The following HMGB1 variants were observed in gnomAD, a reference collection of about 807,000 sequenced individuals.
HMGB1 encodes high mobility group protein B1.
For missense variants in HMGB1, 79 were observed against 253.5 expected, an observed-to-expected ratio of 0.31 and a Z score of 4.67; for synonymous variants, 81 against 84.0, an observed-to-expected ratio of 0.96 and a Z score of 0.19.
intron 1 of HMGB1, among the ~76,000 whole-genome samples, chr13:30,525,013 A>G (rs924808347): frequency 1.3e-5 from 2 of 152,340 alleles, no homozygotes; most frequent in East Asian, 1.9e-4. Context: ...CGGCATAGTA[A>G]AATGGTTACA....
chr13:30,580,411 C>T (rs760831953), intron 1 of HMGB1, among the ~76,000 whole-genome samples: 20 of 152,166 alleles, frequency 1.3e-4, no homozygotes, highest in Admixed American at 3.3e-4. Flanking sequence ...TTAGACATCC[C>T]AGGCTATCTG....
chr13:30,586,806 T>TA (rs1335177105), intron 1 of HMGB1, among the ~76,000 whole-genome samples: 1 of 152,168 alleles, frequency 6.6e-6, no homozygotes, highest in Non-Finnish European at 1.5e-5. Context: ...CTACTTGACA[T>TA]ATCCACTTGG....
At chr13:30,530,714 C>CT (rs1216901770) in intron 1 of HMGB1, among the ~76,000 whole-genome samples, 2 of 152,128 alleles carry the variant, frequency 1.3e-5, no homozygotes, top group African/African-American at 2.4e-5. Flanking sequence ...TGTGGAAAGA[C>CT]TTTTTTTATA....
chr13:30,537,696 T>TAA (rs1491025206), intron 1 of HMGB1, among the ~76,000 whole-genome samples: 18 of 125,728 alleles, frequency 1.4e-4, no homozygotes, highest in Admixed American at 4.9e-4. Flanking sequence ...TATATATATA[T>TAA]AAAATTGATG....
chr13:30,470,610 G>T (rs1207458487), upstream of HMGB1, among the ~76,000 whole-genome samples: 8 of 152,154 alleles, frequency 5.3e-5, no homozygotes. Context: ...CTGCAAGATT[G>T]TCTGCCCAAA....
chr13:30,525,329 T>C (rs1257541519), intron 1 of HMGB1, among the ~76,000 whole-genome samples: 1 of 152,240 alleles, frequency 6.6e-6, no homozygotes, highest in Non-Finnish European at 1.5e-5. Context: ...CACAAAATAT[T>C]GCAGCAAAAT....
chr13:30,474,353 C>T (rs981943391), intron 1 of HMGB1, among the ~76,000 whole-genome samples: 1 of 152,156 alleles, frequency 6.6e-6, no homozygotes, highest in Non-Finnish European at 1.5e-5. Flanking sequence ...AAAGATGGTC[C>T]TCTTCATTAG....
chr13:30,495,164 A>C (rs1887581772), intron 1 of HMGB1, among the ~76,000 whole-genome samples: 1 of 152,128 alleles, frequency 6.6e-6, no homozygotes, highest in Non-Finnish European at 1.5e-5. Context: ...GGACTATTTC[A>C]ATGGGCTATT....
intron 1 of HMGB1, among the ~76,000 whole-genome samples, chr13:30,569,152 C>G (rs570377712): frequency 6.6e-6 from 1 of 152,258 alleles, no homozygotes; most frequent in Admixed American, 6.5e-5. Context: ...GGTGACAGAG[C>G]TAGACTCCTT....
At chr13:30,485,038 T>TC (rs1887332963) in intron 1 of HMGB1, among the ~76,000 whole-genome samples, 1 of 149,202 alleles carries the variant, frequency 6.7e-6, no homozygotes, top group African/African-American at 2.4e-5. Context: ...CTTTTTCTTT[T>TC]TTTTTTTTTT....
At chr13:30,554,068 A>G (rs1441962082) in intron 1 of HMGB1, 1 of 1,362,422 alleles carries the variant, frequency 7.3e-7, no homozygotes, top group Non-Finnish European at 1.0e-6. Flanking sequence ...GATGACCAAA[A>G]GATGCTGTTT....
intron 1 of HMGB1, among the ~76,000 whole-genome samples, chr13:30,527,869 A>G (rs2137482370): frequency 6.6e-6 from 1 of 152,238 alleles, no homozygotes; most frequent in East Asian, 1.9e-4. Context: ...TCTTCCCCCC[A>G]TAGTAGAATG....
chr13:30,524,888 T>C (rs899102912), intron 1 of HMGB1, among the ~76,000 whole-genome samples: 3 of 152,196 alleles, frequency 2.0e-5, no homozygotes, highest in African/African-American at 7.2e-5. Flanking sequence ...TATTTCTTAA[T>C]TGGAACCTTG....
rs1384737398 is a variant in HMGB1 at position 30,456,765 on chromosome 13, G to GGGGC, written c.*4591_*4592insGCCC. 1 of 106,740 alleles carries GGGGC rather than the reference G, an allele frequency of 9.4e-6. No individual in the cohort carries two copies. The highest frequency in any genetic ancestry group is 4.4e-4 in the South Asian group (1 of 2,260). The allele number at this position is 106,740 out of a possible 1,614,324, so 6.6% of individuals were successfully genotyped here. On this transcript the variant is annotated 3_prime_UTR_variant, in exon 5 of 5. Coordinates refer to ENST00000341423, the MANE Select transcript of HMGB1 (RefSeq NM_002128.7). ...TAAATAACAGCTTTTGTGGGCGGGG[G>GGGGC]GGGGGGGTGGTGGGGTGCAATTTAT...
intron 1 of HMGB1, among the ~76,000 whole-genome samples, chr13:30,505,339 T>C (rs371236704): frequency 0.01 from 1,583 of 152,006 alleles, 9 homozygotes; most frequent in African/African-American, 0.013. Context: ...CCACCAGGCC[T>C]GGCTAATTTT....
intron 1 of HMGB1, among the ~76,000 whole-genome samples, chr13:30,611,738 A>G (rs1316076461): frequency 6.6e-6 from 1 of 152,046 alleles, no homozygotes; most frequent in Non-Finnish European, 1.5e-5. Flanking sequence ...TTCTCCCTGC[A>G]TTTATGGCAG....
At chr13:30,465,624 C>A (rs1886737944) in intron 1 of HMGB1, among the ~76,000 whole-genome samples, 172 bp downstream of exon 1, 1 of 151,252 alleles carries the variant, frequency 6.6e-6, no homozygotes, top group African/African-American at 2.4e-5. Context: ...GGGCAGCGTT[C>A]CCGGCGCCCG....
chr13:30,513,377 G>A (rs984473505), intron 1 of HMGB1, among the ~76,000 whole-genome samples: 1 of 152,164 alleles, frequency 6.6e-6, no homozygotes, highest in Non-Finnish European at 1.5e-5. Flanking sequence ...GTCACCCCAT[G>A]TGAATGCTCT....
intron 1 of HMGB1, among the ~76,000 whole-genome samples, chr13:30,577,865 CAT>C (rs893888296): frequency 6.6e-6 from 1 of 152,234 alleles, no homozygotes; most frequent in African/African-American, 2.4e-5. Context: ...AGGCTGCCCA[CAT>C]CATCCTCATG....
Sources: allele counts gnomAD v4.1 joint callset (sites outside exome capture counted in the v4.1 genomes callset), GRCh38; gene constraint gnomAD v4.1.1; transcripts MANE v1.5; gene names NCBI Gene and HGNC (gene_info 2026-07-23, HGNC 2026-07-21).